FBXL7: variants seen among roughly 807,000 people sequenced by gnomAD.
The protein encoded by FBXL7 is F-box/LRR-repeat protein 7.
A neutral mutation model predicts 38.3 loss-of-function variants in FBXL7; 12 were observed. The observed-to-expected ratio is 0.31, with a 90% CI of 0.20 to 0.51. The LOEUF is 0.51. Among genes scored for constraint, FBXL7 ranks in the 20% least tolerant of loss-of-function variants. The probability of loss-of-function intolerance (pLI) is 0.98; values close to 1 mark genes in which losing one functional copy is unlikely to be tolerated. For synonymous variants in FBXL7, 297 were observed against 300.9 expected, an observed-to-expected ratio of 0.99 and a Z score of 0.13; for missense variants, 567 against 676.4, an observed-to-expected ratio of 0.84 and a Z score of 1.79.
At chr5:15,664,802 T>G (rs1339638705) in intron 2 of FBXL7, among the ~76,000 whole-genome samples, 1 of 151,966 alleles carries the variant, frequency 6.6e-6, no homozygotes, top group African/African-American at 2.4e-5. Flanking sequence ...AACTCCTTTC[T>G]GAAGAAATTC....
Position 15,864,143 on chromosome 5 carries a change from A to G in FBXL7, c.128-63747A>G, listed in dbSNP as rs558465126. On this transcript the variant is annotated intron_variant, in intron 2 of 3. Transcript: ENST00000504595. ...CCAAATGGACTAAGACACCATTTCT[A>G]GAAGCCCTGTCATTGATATTCTAGA... is the stretch of plus-strand genomic sequence containing the variant. 2.6e-5 allele frequency among the ~76,000 whole-genome samples: 4 copies of G among 152,210 alleles called. No homozygotes were observed. The South Asian group carries it at 6.2e-4, about 24-fold the overall frequency.
chr5:15,636,316 T>A (rs1741187988), intron 2 of FBXL7, among the ~76,000 whole-genome samples: 1 of 152,206 alleles, frequency 6.6e-6, no homozygotes, highest in Non-Finnish European at 1.5e-5. Context: ...TTTTTCAGAC[T>A]GAATTGCTGG....
chr5:15,815,473 G>C (rs1003688854), intron 2 of FBXL7, among the ~76,000 whole-genome samples: 1 of 152,132 alleles, frequency 6.6e-6, no homozygotes. Flanking sequence ...CCTTAGCAGA[G>C]TGGGGGTTCG....
At chr5:15,598,521 T>A (rs1739691866) in intron 1 of FBXL7, among the ~76,000 whole-genome samples, 1 of 152,188 alleles carries the variant, frequency 6.6e-6, no homozygotes, top group Admixed American at 6.5e-5. Context: ...TGGGTTCACA[T>A]AACTGAGAAA....
rs142400284 is a variant in FBXL7, at chr5:15,557,743, A to G, written c.37+57030A>G. Among the ~76,000 whole-genome samples the G allele has an allele frequency of 4.8e-3, 737 of 152,264 alleles. 4 individuals are homozygous for G. The highest frequency in any genetic ancestry group is 0.017 in the African/African-American group (687 of 41,556). Reference sequence around the variant, plus strand: ...TGGGATTGCTCTTCCTGTTGGATCAATGGAAACCCAGGGACCCCTGAGGGG... The same window carrying G: ...TGGGATTGCTCTTCCTGTTGGATCAGTGGAAACCCAGGGACCCCTGAGGGG... On this transcript the variant is annotated intron_variant, in intron 1 of 3. Coordinates refer to ENST00000504595, the MANE Select transcript of FBXL7 (RefSeq NM_012304.5).
intron 2 of FBXL7, among the ~76,000 whole-genome samples, chr5:15,793,471 G>C (rs952215394): frequency 1.3e-5 from 2 of 151,958 alleles, no homozygotes; most frequent in African/African-American, 4.8e-5. Context: ...TTGGATTTGG[G>C]GCCCATTTGG....
chr5:15,682,962 G>T (rs1198578518), intron 2 of FBXL7, among the ~76,000 whole-genome samples: 3 of 152,190 alleles, frequency 2.0e-5, no homozygotes, highest in Non-Finnish European at 4.4e-5. Context: ...CAGAGCTTTA[G>T]GTAATGTCCA....
intron 3 of FBXL7, among the ~76,000 whole-genome samples, chr5:15,931,861 A>G (rs1742045237): frequency 6.6e-6 from 1 of 152,012 alleles, no homozygotes; most frequent in Non-Finnish European, 1.5e-5. Context: ...TTCATTGCTT[A>G]AACTCCAGTG....
intron 1 of FBXL7, among the ~76,000 whole-genome samples, chr5:15,596,644 A>G (rs116404791): frequency 1.4e-3 from 206 of 152,350 alleles, no homozygotes; most frequent in Non-Finnish European, 2.0e-3. Flanking sequence ...TAAAAGACTG[A>G]CTTTATTTCC....
At chr5:15,515,677 T>G (rs1736914998) in intron 1 of FBXL7, among the ~76,000 whole-genome samples, 1 of 152,208 alleles carries the variant, frequency 6.6e-6, no homozygotes, top group Non-Finnish European at 1.5e-5. Context: ...CATTTCGTGT[T>G]ACTGGTTATT....
At chr5:15,773,054 G>A (rs1467565056) in intron 2 of FBXL7, among the ~76,000 whole-genome samples, 1 of 151,990 alleles carries the variant, frequency 6.6e-6, no homozygotes, top group African/African-American at 2.4e-5. Context: ...ATCACACCTG[G>A]CTAATTTTTT....
At chr5:15,680,187 G>A (rs2126609019) in intron 2 of FBXL7, among the ~76,000 whole-genome samples, 1 of 152,204 alleles carries the variant, frequency 6.6e-6, no homozygotes, top group South Asian at 2.1e-4. Flanking sequence ...ATTGAAAAAG[G>A]CAGCTCTTCC....
At chr5:15,859,739 A>T (rs1454287306) in intron 2 of FBXL7, among the ~76,000 whole-genome samples, 1 of 152,170 alleles carries the variant, frequency 6.6e-6, no homozygotes, top group Admixed American at 6.5e-5. Flanking sequence ...ACATGTAGGG[A>T]TTACGGGAAC....
At chr5:15,808,409 G>C (rs551177476) in intron 2 of FBXL7, among the ~76,000 whole-genome samples, 7 of 152,058 alleles carry the variant, frequency 4.6e-5, no homozygotes, top group Middle Eastern at 3.4e-3. Flanking sequence ...ATGGACTTGC[G>C]ATAGCCAATG....
intron 2 of FBXL7, among the ~76,000 whole-genome samples, chr5:15,847,094 G>C (rs554198668): frequency 4.6e-5 from 7 of 152,052 alleles, no homozygotes; most frequent in African/African-American, 1.7e-4. Flanking sequence ...AGTTTTAAAG[G>C]AAGCACTGCT....
chr5:15,549,262 T>C (rs923189602), intron 1 of FBXL7, among the ~76,000 whole-genome samples: 10 of 152,162 alleles, frequency 6.6e-5, no homozygotes, highest in Non-Finnish European at 4.4e-5. Context: ...GTTCAACAAA[T>C]GTTGGTCATT....
intron 2 of FBXL7, among the ~76,000 whole-genome samples, chr5:15,921,460 C>G (rs1741739664): frequency 6.6e-6 from 1 of 151,878 alleles, no homozygotes; most frequent in Admixed American, 6.6e-5. Context: ...TCTGTCTGTC[C>G]ATGTCTCCAT....
chr5:15,817,044 T>C (rs1017850602), intron 2 of FBXL7, among the ~76,000 whole-genome samples: 3 of 152,320 alleles, frequency 2.0e-5, no homozygotes, highest in Middle Eastern at 3.4e-3. Context: ...TTTGTGGGGC[T>C]TAGAGCCCAA....
chr5:15,808,512 C>T (rs2126749909), intron 2 of FBXL7, among the ~76,000 whole-genome samples: 1 of 152,214 alleles, frequency 6.6e-6, no homozygotes, highest in East Asian at 1.9e-4. Context: ...TGTGTATTTC[C>T]CACTGTGTAT....
Sources: allele counts gnomAD v4.1 joint callset (sites outside exome capture counted in the v4.1 genomes callset), GRCh38; gene constraint gnomAD v4.1.1; transcripts MANE v1.5; gene names NCBI Gene and HGNC (gene_info 2026-07-23, HGNC 2026-07-21).